Variants in TTC34 observed in about 807,000 individuals in gnomAD.
The protein encoded by TTC34 is tetratricopeptide repeat domain 34, also known as tetratricopeptide repeat protein 34.
Under a neutral mutation model 40.7 loss-of-function variants are expected in TTC34, and 44 were observed. That is an observed-to-expected ratio of 1.08 (90% CI 0.85 to 1.39). TTC34 has a LOEUF of 1.39. TTC34 is among the 40% of genes most tolerant of loss of function. TTC34 has a pLI of 0.00. For synonymous variants in TTC34, 422 were observed against 398.6 expected, an observed-to-expected ratio of 1.06 and a Z score of -0.70; for missense variants, 884 against 838.0, an observed-to-expected ratio of 1.05 and a Z score of -0.68.
At chr1:2,699,026 T>C (rs1335070427) in intron 6 of TTC34, among the ~76,000 whole-genome samples, 2 of 137,856 alleles carry the variant, frequency 1.5e-5, no homozygotes, top group African/African-American at 2.6e-5. Flanking sequence ...GGTGAGCATC[T>C]GATGGTCTGG....
At chr1:2,767,458 G>A (rs1381264473) in intron 6 of TTC34, among the ~76,000 whole-genome samples, 18 of 148,380 alleles carry the variant, frequency 1.2e-4, no homozygotes, top group East Asian at 6.2e-4. Context: ...GTGAGCATCC[G>A]ACAGCCTGGA....
chr1:2,685,043 G>A (rs1179821492), intron 6 of TTC34, among the ~76,000 whole-genome samples: 11 of 144,116 alleles, frequency 7.6e-5, no homozygotes, highest in African/African-American at 2.5e-4. Flanking sequence ...CACACCCACA[G>A]GTGAGCATCT....
exon 4 of TTC34, chr1:2,787,503 C>A: frequency 6.7e-7 from 1 of 1,501,920 alleles, no homozygotes; most frequent in African/African-American, 1.4e-5. Context: ...ATAGAAGAAG[C>A]CCCTCCTCAG....
intron 6 of TTC34, among the ~76,000 whole-genome samples, chr1:2,751,452 G>C (rs1641316619): frequency 9.0e-6 from 1 of 110,634 alleles, no homozygotes; most frequent in Non-Finnish European, 1.8e-5. Flanking sequence ...CAGACCCCCA[G>C]GTGAGCATCT....
rs1410743641 is a variant in TTC34, at chr1:2,755,703, C to A, written c.2226+27906G>T. Among the ~76,000 whole-genome samples, 2 of 15,514 alleles carry A rather than the reference C, an allele frequency of 1.3e-4. 1 individual carries two copies. Among genetic ancestry groups the A allele is most frequent in the African/African-American group, 5.9e-4 (2 of 3,394 alleles). The allele number at this position is 15,514 out of a possible 152,430, so 10.2% of individuals were successfully genotyped here. A position where few individuals can be genotyped will look rare whatever the true frequency, so the allele number is the denominator to read the frequency against. Reference sequence around the variant, plus strand: ...TGACATCGTGGAGCAGCACCCCAAACCCACAGGTGAGCATCCGACAGCCTG... The same window carrying A: ...TGACATCGTGGAGCAGCACCCCAAAACCACAGGTGAGCATCCGACAGCCTG... On this transcript the variant is annotated intron_variant, in intron 6 of 8. Transcript: ENST00000401095.
At chr1:2,786,197 C>T (rs1368594376) in intron 4 of TTC34, among the ~76,000 whole-genome samples, 174 bp from the exon 5 acceptor site, 1 of 152,160 alleles carries the variant, frequency 6.6e-6, no homozygotes, top group Non-Finnish European at 1.5e-5. Context: ...TTCCAACGCC[C>T]CTGGCAATTC....
chr1:2,768,196 G>T (rs1036590075), intron 6 of TTC34, among the ~76,000 whole-genome samples: 1 of 151,878 alleles, frequency 6.6e-6, no homozygotes, highest in Non-Finnish European at 1.5e-5. Flanking sequence ...GCCTGGAGCA[G>T]CAGTGCCCAC....
intron 6 of TTC34, among the ~76,000 whole-genome samples, chr1:2,758,415 A>C (rs1641576477): frequency 1.2e-5 from 1 of 83,456 alleles, no homozygotes; most frequent in Non-Finnish European, 2.2e-5. Flanking sequence ...AGCATCTGAC[A>C]GCCTGGAACA....
intron 6 of TTC34, among the ~76,000 whole-genome samples, chr1:2,753,338 C>A (rs1339458814): frequency 6.0e-5 from 6 of 99,460 alleles, no homozygotes; most frequent in African/African-American, 1.1e-4. Flanking sequence ...ACCCACACCC[C>A]CAGACGAGCA....
chr1:2,773,081 T>C (rs1171093456), intron 6 of TTC34, among the ~76,000 whole-genome samples: 3 of 149,390 alleles, frequency 2.0e-5, no homozygotes, highest in African/African-American at 5.0e-5. Context: ...TCTGACAGCC[T>C]GGAGCAGCAC....
At chr1:2,799,242 T>G (rs1294596026) in intron 2 of TTC34, among the ~76,000 whole-genome samples, 1 of 152,134 alleles carries the variant, frequency 6.6e-6, no homozygotes, top group African/African-American at 2.4e-5. Flanking sequence ...CAGAGGAAAG[T>G]TTAAAAATGC....
chr1:2,686,035 C>A (rs1256073191), intron 6 of TTC34, among the ~76,000 whole-genome samples: 2 of 115,582 alleles, frequency 1.7e-5, no homozygotes, highest in African/African-American at 7.9e-5. Flanking sequence ...GAACAGCACC[C>A]TGCACCCCCA....
intron 2 of TTC34, among the ~76,000 whole-genome samples, chr1:2,791,511 C>G (rs1643663172): frequency 6.6e-6 from 1 of 152,288 alleles, no homozygotes; most frequent in Non-Finnish European, 1.5e-5. Context: ...GGCACAGAAG[C>G]AAAGCCGCTG....
chr1:2,699,269 A>C (rs1228494060), intron 6 of TTC34, among the ~76,000 whole-genome samples: 5 of 105,170 alleles, frequency 4.8e-5, no homozygotes, highest in Admixed American at 1.9e-4. Context: ...GAGCATCTGA[A>C]GTCATGGAGC....
intron 6 of TTC34, among the ~76,000 whole-genome samples, chr1:2,659,907 T>A (rs61761388): frequency 2.7e-3 from 123 of 45,724 alleles, no homozygotes; most frequent in Non-Finnish European, 4.0e-3. Flanking sequence ...CAGCACCCAC[T>A]CCCCCAGGTG....
chr1:2,792,060 A>G (rs1464342101), intron 2 of TTC34, among the ~76,000 whole-genome samples: 1 of 111,150 alleles, frequency 9.0e-6, no homozygotes, highest in Non-Finnish European at 1.7e-5. Context: ...TCCATCACCC[A>G]GGCTGGAGTG....
rs1339700624 is a variant in TTC34 at position 2,750,442 on chromosome 1, C to A, written c.2226+33167G>T. Among the ~76,000 whole-genome samples, 6 of 94,396 alleles carry A rather than the reference C, an allele frequency of 6.4e-5. 2 individuals carry two copies. Among genetic ancestry groups the A allele is most frequent in the African/African-American group, 2.5e-4 (5 of 19,992 alleles). 61.9% of individuals were successfully genotyped at this position (94,396 alleles called of 152,430 possible). On this transcript the variant is annotated intron_variant, in intron 6 of 8. Coordinates refer to ENST00000401095, the Ensembl canonical transcript of TTC34. ...ACGTGACAGCCTGTAACAGCACCCA[C>A]ACACCCAGGCGAGTATCTGACGGCC...
At chr1:2,688,191 T>A (rs1336368515) in intron 6 of TTC34, among the ~76,000 whole-genome samples, 19 of 149,690 alleles carry the variant, frequency 1.3e-4, no homozygotes, top group African/African-American at 4.5e-4. Flanking sequence ...TCGGACAGCC[T>A]GGAGCAGCAC....
chr1:2,791,943 T>G (rs933323022), intron 2 of TTC34, among the ~76,000 whole-genome samples: 5 of 150,516 alleles, frequency 3.3e-5, no homozygotes, highest in African/African-American at 1.2e-4. Flanking sequence ...TCACCGACCC[T>G]TCTACTGTCG....
Sources: allele counts gnomAD v4.1 joint callset (sites outside exome capture counted in the v4.1 genomes callset), GRCh38; gene constraint gnomAD v4.1.1; transcripts MANE v1.5; gene names NCBI Gene and HGNC (gene_info 2026-07-23, HGNC 2026-07-21).